The following FIG4 variants were observed in gnomAD, a reference collection of about 807,000 sequenced individuals.
FIG4 encodes the protein polyphosphoinositide phosphatase.
In FIG4, 112 loss-of-function variants were observed where a neutral mutation model predicts 118.6. That is an observed-to-expected ratio of 0.94 (90% CI 0.81 to 1.11). The LOEUF (loss-of-function observed/expected upper bound fraction) is 1.11. Among genes scored for constraint, FIG4 ranks in the 50% least tolerant of loss-of-function variants. The pLI, the probability that FIG4 is intolerant of heterozygous loss-of-function variation, is 0.00. For missense variants in FIG4, 969 were observed against 1,111.7 expected (o/e 0.87, Z 1.83); for synonymous variants, 369 against 381.2 (o/e 0.97, Z 0.37).
chr6:109,744,603 G>A (rs1463291365), intron 10 of FIG4, among the ~76,000 whole-genome samples: 1 of 151,946 alleles, frequency 6.6e-6, no homozygotes, highest in Non-Finnish European at 1.5e-5. Flanking sequence ...GGAAGCCTGT[G>A]ACCCTGTGTG....
intron 16 of FIG4, among the ~76,000 whole-genome samples, chr6:109,783,489 C>T (rs776979501): frequency 4.6e-5 from 7 of 152,032 alleles, no homozygotes; most frequent in East Asian, 1.9e-4. Context: ...CTTTCAGGTG[C>T]GAAACTTGTT....
At chr6:109,711,757 C>A (rs1366728290) in intron 1 of FIG4, among the ~76,000 whole-genome samples, 1 of 152,048 alleles carries the variant, frequency 6.6e-6, no homozygotes. Flanking sequence ...GGTATTTAGT[C>A]CATTTACATT....
chr6:109,791,387 A>G lies in FIG4; in HGVS notation c.2192A>G (p.Asn731Ser), dbSNP rs1467094847. The G allele has an allele frequency of 1.2e-6, 2 of 1,612,892 alleles. No homozygotes were observed. Among genetic ancestry groups the G allele is most frequent in the South Asian group, 1.1e-5 (1 of 91,082 alleles). Residue 731 changes from asparagine (N) to serine (S), a missense_variant, in exon 20 of 23, where the codon AAT becomes AGT. Transcript: ENST00000230124. Reference protein sequence around the residue: ...TGKSVLGNKSNREEAVLQRKT... With the variant: ...TGKSVLGNKSSREEAVLQRKT... ...TATTCTTTTAAAAGAAACAAAAGCA[A>G]TAGAGAAGAAGCTGTATTACAGCGG...
At chr6:109,804,850 A>T (rs1007069280) in intron 22 of FIG4, among the ~76,000 whole-genome samples, 1 of 152,172 alleles carries the variant, frequency 6.6e-6, no homozygotes, top group Non-Finnish European at 1.5e-5. Context: ...AACTAATATA[A>T]AGAGACTTTG....
chr6:109,723,719 G>C (rs902003140), intron 3 of FIG4, among the ~76,000 whole-genome samples: 1 of 152,162 alleles, frequency 6.6e-6, no homozygotes, highest in Non-Finnish European at 1.5e-5. Flanking sequence ...TTCTTCCCCA[G>C]GAATTCTGAA....
intron 1 of FIG4, among the ~76,000 whole-genome samples, chr6:109,704,819 T>C (rs1444742331): frequency 6.6e-6 from 1 of 152,116 alleles, no homozygotes; most frequent in Non-Finnish European, 1.5e-5. Context: ...TGATCCTTGA[T>C]TAGATTCTGG....
chr6:109,721,251 A>G (rs1371821312), intron 3 of FIG4, among the ~76,000 whole-genome samples: 1 of 152,228 alleles, frequency 6.6e-6, no homozygotes, highest in Non-Finnish European at 1.5e-5. Flanking sequence ...AGGGGGCAGT[A>G]TGATTTGGTA....
chr6:109,732,717 A>T (rs118056228), intron 5 of FIG4, 30 bp downstream of exon 5: 13,820 of 1,335,018 alleles, frequency 0.01, 110 homozygotes, highest in Middle Eastern at 0.029. Flanking sequence ...TGCTCCTATC[A>T]ATCACATAAA....
chr6:109,765,241 G>A (rs1003650289), intron 14 of FIG4, 80 bp downstream of exon 14: 2 of 1,191,164 alleles, frequency 1.7e-6, no homozygotes, highest in Admixed American at 1.8e-5. Flanking sequence ...TTTTATGAAA[G>A]CGTTTCTACT....
chr6:109,777,127 C>G, intron 16 of FIG4, 67 bp downstream of exon 16: 1 of 1,437,400 alleles, frequency 7.0e-7, no homozygotes, highest in Non-Finnish European at 9.7e-7. Flanking sequence ...AGATACTTTT[C>G]ATTTTGAGAA....
At chr6:109,808,245 TGTAGGC>T (rs1778623041) in intron 22 of FIG4, among the ~76,000 whole-genome samples, 1 of 151,258 alleles carries the variant, frequency 6.6e-6, no homozygotes. Context: ...AAATGTGGTC[TGTAGGC>T]CCTGGTTCCA....
At position 109,771,248 on chromosome 6, in the gene FIG4, G is replaced by A. The variant is rs373208624; in HGVS notation, c.1750+4353G>A. On this transcript the variant is annotated intron_variant, in intron 15 of 22. Coordinates refer to ENST00000230124, the MANE Select transcript of FIG4 (RefSeq NM_014845.6). ...GTTGTACATGGCAAGAGAAAAGTTT[G>A]TAATTTATTACTCTTAAACAGACTA... Among the ~76,000 whole-genome samples, 8 of 152,292 alleles carry A rather than the reference G, an allele frequency of 5.3e-5. No individual in the cohort carries two copies. The East Asian group carries it at 5.8e-4, about 11-fold the overall frequency.
chr6:109,816,066 C>G (rs1019198274), intron 22 of FIG4, among the ~76,000 whole-genome samples: 2 of 152,098 alleles, frequency 1.3e-5, no homozygotes, highest in African/African-American at 4.8e-5. Flanking sequence ...AGATTCTAAT[C>G]CAGTACACTC....
intron 16 of FIG4, among the ~76,000 whole-genome samples, chr6:109,783,791 C>G (rs1338996596): frequency 1.3e-5 from 2 of 152,180 alleles, no homozygotes; most frequent in Non-Finnish European, 2.9e-5. Flanking sequence ...AATCATCTGC[C>G]TTTTAACAAG....
At chr6:109,744,134 T>C (rs1475416118) in intron 10 of FIG4, among the ~76,000 whole-genome samples, 3 of 152,106 alleles carry the variant, frequency 2.0e-5, no homozygotes, top group African/African-American at 4.8e-5. Context: ...TGTCACAGCC[T>C]CACCTTTACA....
intron 1 of FIG4, among the ~76,000 whole-genome samples, chr6:109,705,212 A>AC (rs1170430675): frequency 6.6e-6 from 1 of 152,220 alleles, no homozygotes; most frequent in Non-Finnish European, 1.5e-5. Flanking sequence ...ATTAAATGTA[A>AC]CAAAGGCTGA....
intron 1 of FIG4, among the ~76,000 whole-genome samples, chr6:109,708,896 C>T (rs1263255555): frequency 6.6e-6 from 1 of 152,014 alleles, no homozygotes; most frequent in African/African-American, 2.4e-5. Flanking sequence ...TAAAAATTTT[C>T]TCTTATTCTG....
intron 1 of FIG4, among the ~76,000 whole-genome samples, chr6:109,693,865 T>A (rs1409673055): frequency 7.1e-6 from 1 of 141,594 alleles, no homozygotes; most frequent in East Asian, 2.0e-4. Flanking sequence ...TGTTAAATAA[T>A]TTTTTTTTTT....
chr6:109,821,960 A>G (rs1779018117), intron 22 of FIG4, among the ~76,000 whole-genome samples: 1 of 152,164 alleles, frequency 6.6e-6, no homozygotes, highest in Admixed American at 6.5e-5. Flanking sequence ...GGATCGCCTG[A>G]GCCCAGGAGT....
Sources: gnomAD v4.1 joint callset for allele counts (sites outside exome capture counted in the v4.1 genomes callset) on GRCh38, gnomAD v4.1.1 for gene constraint, MANE v1.5 for transcripts, NCBI Gene and HGNC (gene_info 2026-07-23, HGNC 2026-07-21) for gene names.